Variants in FNBP1 observed in about 807,000 individuals in gnomAD.
FNBP1 encodes the protein formin binding protein 1.
FNBP1 carries 26 observed loss-of-function variants against 90.6 expected under a neutral mutation model. That is an observed-to-expected ratio of 0.29 (90% confidence interval 0.21 to 0.40). The LOEUF is 0.40. FNBP1 is among the 10% of genes least tolerant of loss of function. The probability of loss-of-function intolerance (pLI) is 1.00; values close to 1 mark genes in which losing one functional copy is unlikely to be tolerated. For missense variants in FNBP1, 635 were observed against 768.0 expected (o/e 0.83, Z 2.05); for synonymous variants, 260 against 265.2 (o/e 0.98, Z 0.19).
chr9:129,978,665 T>C, intron 3 of FNBP1, 53 bp from the exon 4 acceptor site: 2 of 1,563,624 alleles, frequency 1.3e-6, no homozygotes, highest in South Asian at 1.2e-5. Flanking sequence ...CATTCATTCA[T>C]ATTCTGCTTT....
chr9:130,022,529 T>C (rs547533595), intron 1 of FNBP1, among the ~76,000 whole-genome samples: 4 of 152,360 alleles, frequency 2.6e-5, no homozygotes, highest in African/African-American at 9.6e-5. Context: ...TTAAGAATAC[T>C]GTTTGGTATA....
Position 129,900,895 on chromosome 9 carries a change from G to C in FNBP1, c.1429-348C>G, listed in dbSNP as rs867426695. Among the ~76,000 whole-genome samples, 2 of 152,202 alleles carry C rather than the reference G, an allele frequency of 1.3e-5. No homozygotes were observed. Among genetic ancestry groups the C allele is most frequent in the African/African-American group, 4.8e-5 (2 of 41,458 alleles). ...GGCTTTTAAGCAGCAGTGCAGTCTT[G>C]GATAAGTCACTTCTAGTTCCTTCTT... On this transcript the variant is annotated intron_variant, in intron 13 of 16. Transcript: ENST00000446176. This position sits in a 1 kb window ranked among gnomAD's most constrained non-coding sequence, Gnocchi z 4.1.
chr9:130,023,591 C>G (rs1302258313), intron 1 of FNBP1, among the ~76,000 whole-genome samples: 1 of 152,140 alleles, frequency 6.6e-6, no homozygotes, highest in Non-Finnish European at 1.5e-5. Context: ...GAGGGACCAG[C>G]AACATAAAAG....
chr9:130,021,370 A>T (rs2131914248), intron 1 of FNBP1, among the ~76,000 whole-genome samples: 1 of 152,326 alleles, frequency 6.6e-6, no homozygotes, highest in African/African-American at 2.4e-5. Context: ...TGCTGTAATT[A>T]CTGTAAAGTA....
At chr9:130,023,681 T>C (rs1239204008) in intron 1 of FNBP1, among the ~76,000 whole-genome samples, 3 of 151,972 alleles carry the variant, frequency 2.0e-5, no homozygotes, top group Non-Finnish European at 4.4e-5. Flanking sequence ...ACTCACTCCA[T>C]GTTAGGTGAT....
chr9:130,010,939 A>G (rs1324685664), intron 1 of FNBP1, among the ~76,000 whole-genome samples: 1 of 151,612 alleles, frequency 6.6e-6, no homozygotes, highest in Non-Finnish European at 1.5e-5. Flanking sequence ...AGGGCTCAAG[A>G]TAGACATGGG....
intron 1 of FNBP1, among the ~76,000 whole-genome samples, chr9:130,017,915 CTTT>C (rs1233394287): frequency 3.9e-5 from 2 of 51,560 alleles, no homozygotes; most frequent in Non-Finnish European, 8.2e-5. Context: ...CAACACTCTT[CTTT>C]TTTTTTTTTT....
intron 6 of FNBP1, among the ~76,000 whole-genome samples, chr9:129,931,133 T>G (rs1297480381): frequency 6.6e-6 from 1 of 151,610 alleles, no homozygotes; most frequent in Non-Finnish European, 1.5e-5. Context: ...GTGAGACCCC[T>G]CTCTCTACAA....
chr9:129,935,435 C>A (rs2043281023), intron 6 of FNBP1, among the ~76,000 whole-genome samples: 1 of 151,864 alleles, frequency 6.6e-6, no homozygotes, highest in Non-Finnish European at 1.5e-5. Context: ...TGTGGTATAA[C>A]CGAGTTATAA....
At chr9:129,965,147 T>A (rs1300948047) in intron 4 of FNBP1, among the ~76,000 whole-genome samples, 1 of 152,188 alleles carries the variant, frequency 6.6e-6, no homozygotes, top group Non-Finnish European at 1.5e-5. Flanking sequence ...GATATTTCTA[T>A]GGACCATGTG....
At chr9:130,013,480 G>C (rs879937604) in intron 1 of FNBP1, among the ~76,000 whole-genome samples, 1 of 152,120 alleles carries the variant, frequency 6.6e-6, no homozygotes, top group Non-Finnish European at 1.5e-5. Context: ...CAAGGACGTG[G>C]TGTAATGGCA....
At chr9:129,937,170 A>G (rs2043597187) in intron 6 of FNBP1, among the ~76,000 whole-genome samples, 1 of 6,512 alleles carries the variant, frequency 1.5e-4, no homozygotes, top group African/African-American at 3.7e-4. Flanking sequence ...ACTCTGTCTC[A>G]AGGGGGGGAA....
intron 1 of FNBP1, among the ~76,000 whole-genome samples, chr9:130,015,691 T>G (rs1769347553): frequency 6.6e-6 from 1 of 152,222 alleles, no homozygotes; most frequent in Non-Finnish European, 1.5e-5. Flanking sequence ...TGTTTTGTTT[T>G]GGAGATAGGG....
chr9:129,995,488 G>C (rs1223264715), intron 1 of FNBP1, among the ~76,000 whole-genome samples: 1 of 152,148 alleles, frequency 6.6e-6, no homozygotes, highest in Non-Finnish European at 1.5e-5. Context: ...TGGAGCTGGG[G>C]AACCAAAATG....
intron 12 of FNBP1, among the ~76,000 whole-genome samples, chr9:129,904,106 G>A (rs1031562403): frequency 6.6e-6 from 1 of 152,182 alleles, no homozygotes; most frequent in African/African-American, 2.4e-5. Context: ...GCAAACCAAA[G>A]CTACAGCTGG....
intron 12 of FNBP1, among the ~76,000 whole-genome samples, chr9:129,903,994 G>A (rs901496247): frequency 3.9e-5 from 6 of 152,020 alleles, no homozygotes; most frequent in African/African-American, 1.4e-4. Context: ...CCGAGATCAC[G>A]CCACTGCACT....
At chr9:129,983,640 A>G (rs2051661514) in intron 2 of FNBP1, among the ~76,000 whole-genome samples, 1 of 152,064 alleles carries the variant, frequency 6.6e-6, no homozygotes, top group African/African-American at 2.4e-5. Context: ...GTGAAACCCC[A>G]TCTCTACTAA....
intron 15 of FNBP1, 51 bp from the exon 16 acceptor site, chr9:129,896,047 G>A (rs2035676622): frequency 1.3e-6 from 2 of 1,529,636 alleles, no homozygotes; most frequent in Non-Finnish European, 1.8e-6. Flanking sequence ...ATGCAGGGAG[G>A]AAGCAAACAG....
At chr9:129,939,246 G>A (rs532147564) in intron 6 of FNBP1, among the ~76,000 whole-genome samples, 3 of 151,912 alleles carry the variant, frequency 2.0e-5, no homozygotes, top group African/African-American at 4.8e-5. Context: ...AAAATCAGCC[G>A]GGCATGGTGG....
Sources: gnomAD v4.1 joint callset for allele counts (sites outside exome capture counted in the v4.1 genomes callset) on GRCh38, gnomAD v4.1.1 for gene constraint, Gnocchi (gnomAD v3.1) non-coding constraint, MANE v1.5 for transcripts, NCBI Gene and HGNC (gene_info 2026-07-23, HGNC 2026-07-21) for gene names.